ADIPOR2: variants seen among roughly 807,000 people sequenced by gnomAD.
ADIPOR2 encodes adiponectin receptor 2.
Under a neutral mutation model 40.9 loss-of-function variants are expected in ADIPOR2, and 18 were observed. The observed-to-expected ratio is 0.44, with a 90% CI of 0.30 to 0.65. ADIPOR2 has a LOEUF of 0.65. Among genes scored for constraint, ADIPOR2 ranks in the 30% least tolerant of loss-of-function variants. The probability of loss-of-function intolerance (pLI) is 0.09; values close to 1 mark genes in which losing one functional copy is unlikely to be tolerated. For missense variants in ADIPOR2, 283 were observed against 479.2 expected, an observed-to-expected ratio of 0.59 and a Z score of 3.82; for synonymous variants, 165 against 166.4, an observed-to-expected ratio of 0.99 and a Z score of 0.06.
chr12:1,717,504 G>A (rs1565635662), intron 1 of ADIPOR2, among the ~76,000 whole-genome samples: 1 of 152,096 alleles, frequency 6.6e-6, no homozygotes, highest in Non-Finnish European at 1.5e-5. Context: ...TCGGGAGTTC[G>A]AGACCAGCCT....
At chr12:1,769,410 A>G (rs1168902323) in intron 2 of ADIPOR2, among the ~76,000 whole-genome samples, 1 of 152,240 alleles carries the variant, frequency 6.6e-6, no homozygotes, top group Non-Finnish European at 1.5e-5. Flanking sequence ...CTTGAACACA[A>G]TAAATAGTTA....
intron 1 of ADIPOR2, among the ~76,000 whole-genome samples, chr12:1,693,247 A>C (rs987449891): frequency 2.0e-5 from 3 of 151,778 alleles, no homozygotes; most frequent in Non-Finnish European, 4.4e-5. Context: ...GTACAGCAGC[A>C]GAGTTGAGTA....
At chr12:1,693,939 G>C (rs939964310) in intron 1 of ADIPOR2, among the ~76,000 whole-genome samples, 6 of 152,126 alleles carry the variant, frequency 3.9e-5, no homozygotes, top group African/African-American at 1.4e-4. Flanking sequence ...TATGAACCGG[G>C]TTTTCATGAT....
At chr12:1,731,614 T>C (rs1036857255) in intron 1 of ADIPOR2, among the ~76,000 whole-genome samples, 5 of 152,212 alleles carry the variant, frequency 3.3e-5, no homozygotes, top group African/African-American at 1.2e-4. Flanking sequence ...CATTTGTCTT[T>C]TTGTGTCTGG....
intron 1 of ADIPOR2, among the ~76,000 whole-genome samples, chr12:1,709,682 G>GA (rs1221746792): frequency 1.3e-5 from 2 of 152,134 alleles, no homozygotes; most frequent in African/African-American, 4.8e-5. Context: ...CAACAGATGA[G>GA]AGGATATAGC....
At chr12:1,709,603 A>G (rs1370530103) in intron 1 of ADIPOR2, among the ~76,000 whole-genome samples, 2 of 152,226 alleles carry the variant, frequency 1.3e-5, no homozygotes, top group African/African-American at 2.4e-5. Context: ...TTTGTAACGT[A>G]GAAGTACATT....
chr12:1,760,061 AC>A (rs139906425), intron 2 of ADIPOR2, among the ~76,000 whole-genome samples: 1,860 of 151,878 alleles, frequency 0.012, 47 homozygotes, highest in African/African-American at 0.043. Context: ...AACAAAAAAA[AC>A]AACCTCCTTC....
At chr12:1,760,271 T>G (rs1172540612) in intron 2 of ADIPOR2, among the ~76,000 whole-genome samples, 1 of 152,182 alleles carries the variant, frequency 6.6e-6, no homozygotes, top group East Asian at 1.9e-4. Flanking sequence ...TTATTTACTG[T>G]TTGTTAAAGG....
chr12:1,760,939 C>CT (rs1295546711), intron 2 of ADIPOR2: 1 of 152,162 alleles, frequency 6.6e-6, no homozygotes, highest in East Asian at 1.9e-4. Flanking sequence ...TACTTAGTTA[C>CT]TTAGTAGCCT....
At chr12:1,706,931 A>G (rs1047416001) in intron 1 of ADIPOR2, among the ~76,000 whole-genome samples, 18 of 152,184 alleles carry the variant, frequency 1.2e-4, no homozygotes, top group Non-Finnish European at 5.9e-5. Flanking sequence ...TCAAGGCTGC[A>G]GTGGGCCAGG....
At chr12:1,715,137 A>G (rs1344678642) in intron 1 of ADIPOR2, among the ~76,000 whole-genome samples, 2 of 152,020 alleles carry the variant, frequency 1.3e-5, no homozygotes, top group African/African-American at 2.4e-5. Flanking sequence ...AGGCTAGGAT[A>G]TGGGGGTAAG....
intron 3 of ADIPOR2, 98 bp from the exon 4 acceptor site, chr12:1,777,756 C>A: frequency 8.8e-7 from 1 of 1,135,586 alleles, no homozygotes; most frequent in Non-Finnish European, 1.2e-6. Context: ...TTGTTTTTCC[C>A]ATTATAAAAC....
chr12:1,712,238 C>T (rs1034024063), intron 1 of ADIPOR2, among the ~76,000 whole-genome samples: 5 of 152,078 alleles, frequency 3.3e-5, no homozygotes, highest in Non-Finnish European at 5.9e-5. Flanking sequence ...GATTGGTTCC[C>T]CATCCTCTGG....
At chr12:1,698,257 A>T (rs1459272227) in intron 1 of ADIPOR2, among the ~76,000 whole-genome samples, 1 of 151,732 alleles carries the variant, frequency 6.6e-6, no homozygotes, top group Non-Finnish European at 1.5e-5. Context: ...TTAATTTCTG[A>T]GACAGGGTCT....
At position 1,768,097 on chromosome 12, in the gene ADIPOR2, A is replaced by G. The variant is rs181425699; in HGVS notation, c.172-4745A>G. Among the ~76,000 whole-genome samples the G allele has an allele frequency of 4.6e-5, 7 of 152,286 alleles. No homozygotes were observed. In the East Asian group the frequency reaches 9.6e-4, roughly 21 times the overall value. On this transcript the variant is annotated intron_variant, in intron 2 of 7. Transcript: ENST00000357103. ...TGAATGCAGAAGGTCTCAGTTCTCAATGACATTTATAAAGGCAGACAGATT... is the reference window on the plus strand; with the variant it reads ...TGAATGCAGAAGGTCTCAGTTCTCAGTGACATTTATAAAGGCAGACAGATT...
Position 1,777,885 on chromosome 12 carries a change from A to G in ADIPOR2, c.323A>G (p.His108Arg). ...GAAGGTCGGTGGCGAGTGATCCCTC[A>G]TGATGTACTACCAGACTGGCTCAAG... ...VWEGRWRVIP[H>R]DVLPDWLKDN... The change falls in exon 4 of 8, where the codon CAT becomes CGT. Residue 108 changes from histidine to arginine, a missense_variant. By Grantham distance (29) the His-to-Arg change is conservative. Around this residue, in one of 3 missense-constraint regions of ADIPOR2, gnomAD observed 112 missense variants for 249.5 expected, o/e 0.45. Transcript: ENST00000357103. 1.2e-6 allele frequency: 2 copies of G among 1,613,906 alleles called. No homozygotes were observed. Among genetic ancestry groups the G allele is most frequent in the Non-Finnish European group, 1.7e-6 (2 of 1,179,898 alleles).
chr12:1,753,037 A>T (rs139489128), intron 1 of ADIPOR2, among the ~76,000 whole-genome samples: 39 of 152,306 alleles, frequency 2.6e-4, no homozygotes, highest in African/African-American at 9.1e-4. Flanking sequence ...TGATTTATGA[A>T]ACCAACAGTT....
In ADIPOR2 at chr12:1,771,099, G is replaced by A. The variant is rs1862484560; in HGVS notation, c.172-1743G>A. On this transcript the variant is annotated intron_variant, in intron 2 of 7. Transcript: ENST00000357103. ...AACACACTGGAAGCTGAGGCAGGAG[G>A]ATTGCTTGAGGCCAGGAGTTCAGGA... Among the ~76,000 whole-genome samples, 4 of 152,208 alleles carry A rather than the reference G, an allele frequency of 2.6e-5. 1 individual carries two copies. The South Asian group carries it at 8.3e-4, about 31-fold the overall frequency.
At chr12:1,768,107 T>C (rs570991459) in intron 2 of ADIPOR2, among the ~76,000 whole-genome samples, 34 of 152,322 alleles carry the variant, frequency 2.2e-4, no homozygotes, top group Middle Eastern at 3.4e-3. Context: ...ATGACATTTA[T>C]AAAGGCAGAC....
Sources: gnomAD v4.1 joint callset for allele counts (sites outside exome capture counted in the v4.1 genomes callset) on GRCh38, gnomAD v4.1.1 for gene constraint, gnomAD v4.1.1 regional missense constraint, MANE v1.5 for transcripts, NCBI Gene and HGNC (gene_info 2026-07-23, HGNC 2026-07-21) for gene names.